Variants in FHL5 observed in about 807,000 individuals in gnomAD.
The protein encoded by FHL5 is four and a half LIM domains 5.
Under a neutral mutation model 32.0 loss-of-function variants are expected in FHL5, and 33 were observed. The observed-to-expected ratio is 1.03, with a 90% CI of 0.78 to 1.38. The LOEUF (loss-of-function observed/expected upper bound fraction) is 1.38. Among genes scored for constraint, FHL5 ranks in the 40% most tolerant of loss-of-function variants. The probability of loss-of-function intolerance (pLI) is 0.00; values close to 1 mark genes in which losing one functional copy is unlikely to be tolerated. For synonymous variants in FHL5, 114 were observed against 113.6 expected, an observed-to-expected ratio of 1.00 and a Z score of -0.02; for missense variants, 336 against 343.9, an observed-to-expected ratio of 0.98 and a Z score of 0.18.
Position 96,615,769 on chromosome 6 carries a change from C to A in FHL5, c.852C>A (p.Ile284=), listed in dbSNP as rs148411898. ...QKCGSGMDTD[I] ...GTGGCTCCGGAATGGACACTGACAT[C>A]TAGGAGACAGTCCTTGCCCACCTAA... The change falls in exon 6 of 6, where the codon ATC becomes ATA. Residue 284 remains isoleucine (I), a synonymous_variant. Coordinates refer to ENST00000450218, the MANE Select transcript of FHL5 (RefSeq NM_001322466.2). 3 of 1,603,870 alleles carry A rather than the reference C, an allele frequency of 1.9e-6. No homozygotes were observed. Among genetic ancestry groups the A allele is most frequent in the African/African-American group, 1.3e-5 (1 of 74,472 alleles).
At chr6:96,613,751 T>G (rs762425202) in intron 5 of FHL5, among the ~76,000 whole-genome samples, 3 of 152,212 alleles carry the variant, frequency 2.0e-5, no homozygotes, top group African/African-American at 7.2e-5. Flanking sequence ...AAATCTTAGA[T>G]CTGCTGCTTA....
chr6:96,584,589 T>C (rs967297582), intron 1 of FHL5, among the ~76,000 whole-genome samples: 1 of 151,982 alleles, frequency 6.6e-6, no homozygotes, highest in African/African-American at 2.4e-5. Flanking sequence ...TTAGATTTTA[T>C]AGTCGAAGAA....
chr6:96,569,195 T>C (rs550881553), intron 1 of FHL5, among the ~76,000 whole-genome samples: 13 of 152,202 alleles, frequency 8.5e-5, no homozygotes, highest in South Asian at 4.1e-4. Context: ...AATTTCTTCA[T>C]TGACTAATTT....
At chr6:96,578,426 A>C (rs1770627635) in intron 1 of FHL5, among the ~76,000 whole-genome samples, 1 of 152,224 alleles carries the variant, frequency 6.6e-6, no homozygotes, top group African/African-American at 2.4e-5. Flanking sequence ...AGTTGTCTTT[A>C]AATGAGTCAC....
At chr6:96,590,692 A>G (rs1471700227) in intron 1 of FHL5, among the ~76,000 whole-genome samples, 1 of 152,082 alleles carries the variant, frequency 6.6e-6, no homozygotes. Context: ...AGTAAAAGCT[A>G]TCAACATTTA....
chr6:96,576,636 A>G (rs766293723), intron 1 of FHL5, among the ~76,000 whole-genome samples: 5 of 152,240 alleles, frequency 3.3e-5, no homozygotes, highest in Non-Finnish European at 7.3e-5. Context: ...TTGATAACAT[A>G]TATATTCAGG....
At chr6:96,603,177 TA>T (rs1771193019) in intron 1 of FHL5, among the ~76,000 whole-genome samples, 2 of 152,314 alleles carry the variant, frequency 1.3e-5, no homozygotes, top group South Asian at 4.1e-4. Context: ...AAAAGACTGT[TA>T]TTTCCATCAA....
chr6:96,581,429 G>A (rs3798290), intron 1 of FHL5, among the ~76,000 whole-genome samples: 15,926 of 152,120 alleles, frequency 0.1, 959 homozygotes, highest in East Asian at 0.26. Flanking sequence ...CACACTTCCA[G>A]ACCATGGCAA....
chr6:96,580,627 A>C (rs1024603580), intron 1 of FHL5, among the ~76,000 whole-genome samples: 9 of 152,172 alleles, frequency 5.9e-5, no homozygotes, highest in African/African-American at 1.9e-4. Context: ...CATTTTAAGG[A>C]GGTCATAAAC....
chr6:96,596,671 C>T (rs1384453517), intron 1 of FHL5, among the ~76,000 whole-genome samples: 1 of 152,004 alleles, frequency 6.6e-6, no homozygotes, highest in African/African-American at 2.4e-5. Flanking sequence ...AGTCTCATAA[C>T]TTCAGTTACC....
chr6:96,574,135 T>C (rs933713903), intron 1 of FHL5, among the ~76,000 whole-genome samples: 3 of 152,218 alleles, frequency 2.0e-5, no homozygotes, highest in Non-Finnish European at 1.5e-5. Context: ...CATTAAATAC[T>C]CTTCCGAATA....
At chr6:96,577,444 C>A (rs1194213994) in intron 1 of FHL5, among the ~76,000 whole-genome samples, 1 of 152,040 alleles carries the variant, frequency 6.6e-6, no homozygotes, top group African/African-American at 2.4e-5. Flanking sequence ...ACACAACACA[C>A]ATTCTCACAA....
chr6:96,603,922 A>G, intron 2 of FHL5, 150 bp downstream of exon 2: 1 of 608,098 alleles, frequency 1.6e-6, no homozygotes. Context: ...GTCAAGCTCC[A>G]GCCACTACAC....
At position 96,606,036 on chromosome 6, in the gene FHL5, A is replaced by G. The variant is rs1205549831; in HGVS notation, c.469A>G (p.Lys157Glu). The G allele has an allele frequency of 1.2e-6, 2 of 1,614,140 alleles. No individual in the cohort carries two copies. Among genetic ancestry groups the G allele is most frequent in the Non-Finnish European group, 8.5e-7 (1 of 1,179,990 alleles). Residue 157 changes from lysine to glutamate, a missense_variant, in exon 4 of 6, where the codon AAG (lysine) becomes GAG (glutamate). Coordinates refer to ENST00000450218, the MANE Select transcript of FHL5 (RefSeq NM_001322466.2). ...CAATTATTGTGTGCCATGTTTTGAG[A>G]AGGAGTTTGCTCACTACTGCAACTT... The part of the protein sequence containing the change: ...SGNYCVPCFE[K>E]EFAHYCNFCK...
In FHL5 at chr6:96,603,643, C is replaced by G. The variant is rs768073534; in HGVS notation, c.30C>G (p.Tyr10Ter). 6.2e-7 allele frequency: 1 copy of G among 1,612,866 alleles called. No homozygotes were observed. Among genetic ancestry groups the G allele is most frequent in the African/African-American group, 1.3e-5 (1 of 74,890 alleles). The change falls in exon 2 of 6, where the codon TAC becomes TAG. Residue 10 changes from tyrosine (Y) to a stop codon, truncating the protein, a stop_gained. Coordinates refer to ENST00000450218, the MANE Select transcript of FHL5 (RefSeq NM_001322466.2). LOFTEE classifies it high-confidence loss of function. The stretch of plus-strand genomic sequence containing the variant: ...CAACTGCTCACTTTTACTGTCAATA[C>G]TGCACAGCATCACTTCTTGGGAAGA... MTTAHFYCQ[Y>*]CTASLLGKKY...
At chr6:96,612,474 C>A (rs181317386) in intron 5 of FHL5, among the ~76,000 whole-genome samples, 54 of 152,306 alleles carry the variant, frequency 3.5e-4, no homozygotes, top group African/African-American at 1.3e-3. Context: ...AAAGCCTACA[C>A]AAGCCCTGAA....
rs762075743 is a variant in FHL5 at position 96,610,730 on chromosome 6, G to A, written c.663G>A (p.Lys221=). The A allele has an allele frequency of 6.2e-7, 1 of 1,613,642 alleles. No homozygotes were observed. The highest frequency in any genetic ancestry group is 8.5e-7 in the Non-Finnish European group (1 of 1,179,650). The change falls in exon 5 of 6, where the codon AAG becomes AAA. Residue 221 remains lysine (K), a synonymous_variant. Coordinates refer to ENST00000450218, the MANE Select transcript of FHL5 (RefSeq NM_001322466.2). Reference sequence around the variant, plus strand: ...GCTACAACCATCTTTATGCCAACAAGTGTGTAGCCTGTTCCAAACCCATTA... The same window carrying A: ...GCTACAACCATCTTTATGCCAACAAATGTGTAGCCTGTTCCAAACCCATTA... ...VDCYNHLYAN[K]CVACSKPISG... is the part of the protein sequence containing the mutation.
intron 1 of FHL5, among the ~76,000 whole-genome samples, chr6:96,599,669 A>G (rs1405113907): frequency 6.6e-6 from 1 of 152,212 alleles, no homozygotes; most frequent in Non-Finnish European, 1.5e-5. Context: ...AAATCCCAAT[A>G]TGCAAAGATA....
chr6:96,605,866 G>T, intron 3 of FHL5, 36 bp from the exon 4 acceptor site: 1 of 1,572,764 alleles, frequency 6.4e-7, no homozygotes, highest in South Asian at 1.2e-5. Flanking sequence ...AATTATGCTT[G>T]ACTTATACTA....
Sources: gnomAD v4.1 joint callset for allele counts (sites outside exome capture counted in the v4.1 genomes callset) on GRCh38, gnomAD v4.1.1 for gene constraint, MANE v1.5 for transcripts, NCBI Gene and HGNC (gene_info 2026-07-23, HGNC 2026-07-21) for gene names.